RRAGD: variants seen among roughly 807,000 people sequenced by gnomAD.
RRAGD encodes Ras related GTP binding D, also known as ras-related GTP-binding protein D.
A neutral mutation model predicts 35.5 loss-of-function variants in RRAGD; 12 were observed. The observed-to-expected ratio is 0.34, with a 90% CI of 0.22 to 0.55. The LOEUF (loss-of-function observed/expected upper bound fraction) is 0.55. RRAGD is among the 20% of genes least tolerant of loss of function. The pLI, the probability that RRAGD is intolerant of heterozygous loss-of-function variation, is 0.91. For missense variants in RRAGD, 324 were observed against 490.1 expected (o/e 0.66, Z 3.20); for synonymous variants, 155 against 178.9 (o/e 0.87, Z 1.07).
intron 1 of RRAGD, among the ~76,000 whole-genome samples, chr6:89,406,426 G>A (rs967404959): frequency 4.6e-5 from 7 of 152,150 alleles, no homozygotes; most frequent in Non-Finnish European, 7.3e-5. Context: ...GCAGCTGGAC[G>A]TCGAGAGGAG....
At chr6:89,368,820 C>A (rs977418975) in intron 6 of RRAGD, among the ~76,000 whole-genome samples, 1 of 152,138 alleles carries the variant, frequency 6.6e-6, no homozygotes, top group Non-Finnish European at 1.5e-5. Context: ...AGGAGGGAAT[C>A]TTCTTGTGTT....
In RRAGD at chr6:89,411,402, T is replaced by G; in HGVS notation, c.148+444A>C. 1 of 154,432 alleles carries G rather than the reference T, an allele frequency of 6.5e-6. No homozygotes were observed. The highest frequency in any genetic ancestry group is 2.0e-4 in the South Asian group (1 of 4,906). 9.6% of individuals were successfully genotyped at this position (154,432 alleles called of 1,614,324 possible). A position where few individuals can be genotyped will look rare whatever the true frequency, so the allele number is the denominator to read the frequency against. ...CCGCAGCTGCCGACGACCCTGCCAG[T>G]CACGCCGCCGCCGGCTGCCTTTTTT... is the stretch of plus-strand genomic sequence containing the variant. On this transcript the variant is annotated intron_variant, in intron 1 of 6. Coordinates refer to ENST00000369415, the MANE Select transcript of RRAGD (RefSeq NM_021244.5). This position sits in a 1 kb window ranked among gnomAD's most constrained non-coding sequence, Gnocchi z 5.6.
intron 1 of RRAGD, among the ~76,000 whole-genome samples, chr6:89,397,482 G>GT (rs1446980067): frequency 1.3e-5 from 2 of 152,046 alleles, no homozygotes; most frequent in Non-Finnish European, 2.9e-5. Flanking sequence ...GTAAACACCT[G>GT]TAGTCCAGCT....
chr6:89,371,136 G>A lies in RRAGD; in HGVS notation c.1051+1301C>T, dbSNP rs572276594. 1.9e-3 allele frequency among the ~76,000 whole-genome samples: 283 copies of A among 151,632 alleles called. 2 individuals carry two copies. Among genetic ancestry groups the A allele is most frequent in the African/African-American group, 6.5e-3 (270 of 41,374 alleles). On this transcript the variant is annotated intron_variant, in intron 6 of 6. Transcript: ENST00000369415. ...CAATATGGCCCCAGTTTTGTTGGAA[G>A]GAAGGAAAAAAAGGAATGAAGGAAG...
chr6:89,378,259 G>A (rs1294947084), intron 4 of RRAGD, among the ~76,000 whole-genome samples: 6 of 151,124 alleles, frequency 4.0e-5, no homozygotes, highest in South Asian at 2.1e-4. Flanking sequence ...CCGAGATGGC[G>A]CCATTGCACT....
intron 1 of RRAGD, among the ~76,000 whole-genome samples, chr6:89,394,911 G>A (rs967599027): frequency 2.6e-5 from 4 of 152,074 alleles, no homozygotes; most frequent in African/African-American, 9.7e-5. Context: ...AATTGGCTTT[G>A]AAAAGGAAAG....
chr6:89,380,823 C>T lies in RRAGD; in HGVS notation c.445-456G>A, dbSNP rs534348483. ...TCGGGAGGCTGAGGCAGGAGAATTG[C>T]TTGAACCCAGGAGGCAGAGATTGCA... is the stretch of plus-strand genomic sequence containing the variant. On this transcript the variant is annotated intron_variant, in intron 2 of 6. Transcript: ENST00000369415. Among the ~76,000 whole-genome samples the T allele has an allele frequency of 1.8e-4, 27 of 151,420 alleles. No individual in the cohort carries two copies. The South Asian group carries it at 2.3e-3, about 13-fold the overall frequency.
intron 2 of RRAGD, 134 bp from the exon 3 acceptor site, chr6:89,380,501 T>G (rs775845412): frequency 3.2e-4 from 212 of 672,420 alleles, no homozygotes; most frequent in Non-Finnish European, 4.7e-4. Context: ...ACAAGCTGGC[T>G]TCTTATAATT....
intron 1 of RRAGD, among the ~76,000 whole-genome samples, chr6:89,404,422 G>T (rs7744005): frequency 0.28 from 42,373 of 152,016 alleles, 6,769 homozygotes; most frequent in African/African-American, 0.43. Flanking sequence ...TTGGAACTGG[G>T]TATCAAGAGG....
At chr6:89,375,965 A>G (rs1768931952) in intron 5 of RRAGD, among the ~76,000 whole-genome samples, 1 of 152,226 alleles carries the variant, frequency 6.6e-6, no homozygotes, top group African/African-American at 2.4e-5. Context: ...CACAATAATG[A>G]TCATGCACAT....
intron 1 of RRAGD, among the ~76,000 whole-genome samples, chr6:89,396,724 C>T (rs1483613419): frequency 7.3e-6 from 1 of 137,376 alleles, no homozygotes. Flanking sequence ...CAACCAATGA[C>T]CCAATTTTTT....
intron 1 of RRAGD, among the ~76,000 whole-genome samples, chr6:89,393,127 A>G (rs1288651458): frequency 6.6e-6 from 1 of 152,228 alleles, no homozygotes; most frequent in Non-Finnish European, 1.5e-5. Context: ...TTCCCATGCT[A>G]ACTCCCTAAA....
At position 89,387,443 on chromosome 6, in the gene RRAGD, T is replaced by C; in HGVS notation, c.296A>G (p.Lys99Arg). 6.2e-7 allele frequency: 1 copy of C among 1,614,166 alleles called. No individual in the cohort carries two copies. The highest frequency in any genetic ancestry group is 8.5e-7 in the Non-Finnish European group (1 of 1,180,026). Reference protein sequence around the residue: ...NETLFLESTNKICREDVSNSS... With the variant: ...NETLFLESTNRICREDVSNSS... ...GTTGGAAACATCTTCCCGGCATATC[T>C]TATTAGTGCTCTCCAAGAACAGAGT... Residue 99 changes from lysine (K) to arginine (R), a missense_variant, in exon 2 of 7, where the codon AAG becomes AGG. By Grantham distance (26) the Lys-to-Arg change is conservative (BLOSUM62 2). Coordinates refer to ENST00000369415, the MANE Select transcript of RRAGD (RefSeq NM_021244.5).
In RRAGD at chr6:89,408,087, T is replaced by A. The variant is rs144723741; in HGVS notation, c.148+3759A>T. ...TTCATCTGTTCCAACTCTTCTGTAT[T>A]TCCAGGGCCAGAAGGAAATCTAAGA... On this transcript the variant is annotated intron_variant, in intron 1 of 6. Coordinates refer to ENST00000369415, the MANE Select transcript of RRAGD (RefSeq NM_021244.5). Among the ~76,000 whole-genome samples, 796 of 152,330 alleles carry A rather than the reference T, an allele frequency of 5.2e-3. 6 individuals carry two copies. Among genetic ancestry groups the A allele is most frequent in the Non-Finnish European group, 7.3e-3 (495 of 68,034 alleles).
chr6:89,389,238 G>A (rs1769189185), intron 1 of RRAGD, among the ~76,000 whole-genome samples: 1 of 152,076 alleles, frequency 6.6e-6, no homozygotes, highest in Non-Finnish European at 1.5e-5. Flanking sequence ...GGGTCCTAGA[G>A]GGATTAGGCA....
chr6:89,372,005 T>C (rs1158877679), intron 6 of RRAGD, among the ~76,000 whole-genome samples: 2 of 152,180 alleles, frequency 1.3e-5, no homozygotes, highest in Non-Finnish European at 1.5e-5. Flanking sequence ...CTCCTTTACA[T>C]GGGAAGAACA....
chr6:89,384,100 TAAA>T (rs766030327), intron 2 of RRAGD, among the ~76,000 whole-genome samples: 29 of 132,118 alleles, frequency 2.2e-4, no homozygotes, highest in Non-Finnish European at 3.3e-4. Flanking sequence ...AGACTCCATC[TAAA>T]AAAAAAAAAA....
At chr6:89,376,531 A>G (rs921819421) in intron 5 of RRAGD, among the ~76,000 whole-genome samples, 1 of 152,208 alleles carries the variant, frequency 6.6e-6, no homozygotes, top group African/African-American at 2.4e-5. Context: ...GATGTCAGAT[A>G]CAATACAGAT....
At chr6:89,382,480 CAGG>C (rs1769061124) in intron 2 of RRAGD, among the ~76,000 whole-genome samples, 3 of 150,770 alleles carry the variant, frequency 2.0e-5, no homozygotes, top group African/African-American at 7.4e-5. Context: ...GAGGCTGAGG[CAGG>C]AGAATTCCTT....
Sources: gnomAD v4.1 joint callset for allele counts (sites outside exome capture counted in the v4.1 genomes callset) on GRCh38, gnomAD v4.1.1 for gene constraint, Gnocchi (gnomAD v3.1) non-coding constraint, MANE v1.5 for transcripts, NCBI Gene and HGNC (gene_info 2026-07-23, HGNC 2026-07-21) for gene names.